FBP2: variants seen among roughly 807,000 people sequenced by gnomAD.
The protein encoded by FBP2 is fructose-bisphosphatase 2, also known as fructose-1,6-bisphosphatase isozyme 2.
FBP2 carries 27 observed loss-of-function variants against 31.6 expected under a neutral mutation model. The observed-to-expected ratio is 0.85, with a 90% CI of 0.63 to 1.18. The LOEUF is 1.18. FBP2 is among the 50% of genes most tolerant of loss of function. The pLI, the probability that FBP2 is intolerant of heterozygous loss-of-function variation, is 0.00. For missense variants in FBP2, 421 were observed against 436.1 expected, an observed-to-expected ratio of 0.97 and a Z score of 0.31; for synonymous variants, 168 against 179.8, an observed-to-expected ratio of 0.93 and a Z score of 0.53.
intron 1 of FBP2, among the ~76,000 whole-genome samples, chr9:94,587,841 G>GT (rs796779800): frequency 6.6e-6 from 1 of 151,260 alleles, no homozygotes; most frequent in African/African-American, 2.5e-5. Context: ...CCTGGAATTT[G>GT]TTTTTTCTTT....
In FBP2 at chr9:94,560,517, C is replaced by G. The variant is rs530532778; in HGVS notation, c.826-1385G>C. Among the ~76,000 whole-genome samples, 140 of 152,204 alleles carry G rather than the reference C, an allele frequency of 9.2e-4. 4 individuals are homozygous for G. The South Asian group carries it at 0.028, about 30-fold the overall frequency. ...GTATCATCTTCTTCTTTCTCCCCATCAGTGCAACCTGTGTAACTTCCCAAA... is the reference window on the plus strand; with the variant it reads ...GTATCATCTTCTTCTTTCTCCCCATGAGTGCAACCTGTGTAACTTCCCAAA... On this transcript the variant is annotated intron_variant, in intron 6 of 6. Transcript: ENST00000375337.
intron 6 of FBP2, 100 bp downstream of exon 6, chr9:94,563,242 A>G: frequency 3.7e-6 from 5 of 1,337,922 alleles, no homozygotes; most frequent in Non-Finnish European, 5.1e-6. Flanking sequence ...CCACACAGAC[A>G]TGCCATGAAG....
At chr9:94,579,050 C>CCA (rs1564185204) in intron 3 of FBP2, among the ~76,000 whole-genome samples, 1 of 30,606 alleles carries the variant, frequency 3.3e-5, no homozygotes, top group African/African-American at 2.0e-4. Context: ...GAGACTCTGT[C>CCA]AAAAAAAAAA....
chr9:94,561,194 T>G (rs902840784), intron 6 of FBP2, among the ~76,000 whole-genome samples: 1 of 152,054 alleles, frequency 6.6e-6, no homozygotes, highest in Non-Finnish European at 1.5e-5. Flanking sequence ...TCAACTACTT[T>G]AATCAAAAAA....
At chr9:94,561,945 G>C (rs558096617) in intron 6 of FBP2, among the ~76,000 whole-genome samples, 1 of 152,316 alleles carries the variant, frequency 6.6e-6, no homozygotes, top group East Asian at 1.9e-4. Flanking sequence ...ACGATCATTT[G>C]AATAATTAGT....
chr9:94,560,752 A>G, intron 6 of FBP2, among the ~76,000 whole-genome samples: 1 of 147,850 alleles, frequency 6.8e-6, no homozygotes, highest in East Asian at 1.9e-4. Context: ...AATATGTTAT[A>G]TATTTATATA....
At chr9:94,583,685 C>A (rs113984570) in intron 3 of FBP2, among the ~76,000 whole-genome samples, 8 of 152,164 alleles carry the variant, frequency 5.3e-5, no homozygotes, top group Non-Finnish European at 1.5e-5. Flanking sequence ...CTGCAACCTG[C>A]ACTTCCTGGG....
chr9:94,569,424 A>G (rs1032405932), intron 4 of FBP2: 1 of 152,206 alleles, frequency 6.6e-6, no homozygotes, highest in Non-Finnish European at 1.5e-5. Context: ...TCCAGCAAAG[A>G]GGATGGAGAT....
intron 1 of FBP2, among the ~76,000 whole-genome samples, chr9:94,590,259 C>T (rs1827478458): frequency 6.6e-6 from 1 of 152,200 alleles, no homozygotes; most frequent in Non-Finnish European, 1.5e-5. Context: ...CTAACAGTCT[C>T]TAAAGGAATG....
At chr9:94,590,742 T>G (rs899840092) in intron 1 of FBP2, among the ~76,000 whole-genome samples, 1 of 152,228 alleles carries the variant, frequency 6.6e-6, no homozygotes, top group Admixed American at 6.5e-5. Context: ...TTGCCGATGC[T>G]GGTTTAGGCA....
chr9:94,591,200 G>T (rs1298111838), intron 1 of FBP2, among the ~76,000 whole-genome samples: 5 of 152,370 alleles, frequency 3.3e-5, no homozygotes, highest in East Asian at 1.9e-4. Context: ...GGGGGGTGGC[G>T]CTCGTCGGGG....
At chr9:94,587,500 C>A (rs1304774760) in intron 1 of FBP2, 31 bp from the exon 2 acceptor site, 1 of 1,610,754 alleles carries the variant, frequency 6.2e-7, no homozygotes. Flanking sequence ...ATGAGGAAGT[C>A]ACTAGGGGGT....
intron 3 of FBP2, among the ~76,000 whole-genome samples, chr9:94,577,025 A>G (rs1165294414): frequency 6.6e-6 from 1 of 151,948 alleles, no homozygotes; most frequent in Non-Finnish European, 1.5e-5. Flanking sequence ...TCTTGGCCAA[A>G]AGCACCCACA....
rs151044093 is a variant in FBP2 at position 94,564,754 on chromosome 9, C to T, written c.706-1293G>A. ...GAGACAAACAATCTATACAGCAAAC[C>T]CCCATGACAGGAGTTTACTTATATA... On this transcript the variant is annotated intron_variant, in intron 5 of 6. Coordinates refer to ENST00000375337, the MANE Select transcript of FBP2 (RefSeq NM_003837.4). 3.0e-3 allele frequency among the ~76,000 whole-genome samples: 462 copies of T among 152,158 alleles called. 2 individuals carry two copies. The highest frequency in any genetic ancestry group is 6.9e-3 in the Admixed American group (106 of 15,288).
At chr9:94,559,497 A>G (rs1352968057) in intron 6 of FBP2, among the ~76,000 whole-genome samples, 1 of 151,030 alleles carries the variant, frequency 6.6e-6, no homozygotes, top group Non-Finnish European at 1.5e-5. Flanking sequence ...GGAAGCCTTT[A>G]TATGTGAGAC....
chr9:94,564,916 CA>C (rs1827163458), intron 5 of FBP2, among the ~76,000 whole-genome samples: 1 of 151,984 alleles, frequency 6.6e-6, no homozygotes, highest in Non-Finnish European at 1.5e-5. Context: ...GACATATTTT[CA>C]AAAAGCTAGA....
At chr9:94,590,129 A>G (rs930121818) in intron 1 of FBP2, among the ~76,000 whole-genome samples, 7 of 152,164 alleles carry the variant, frequency 4.6e-5, no homozygotes, top group African/African-American at 1.7e-4. Flanking sequence ...CCTAGAAAGA[A>G]TGGAAACTCA....
chr9:94,590,813 C>A (rs1344823156), intron 1 of FBP2, among the ~76,000 whole-genome samples: 1 of 152,178 alleles, frequency 6.6e-6, no homozygotes, highest in Non-Finnish European at 1.5e-5. Flanking sequence ...AGCCGAGTGG[C>A]CTGTTTTGTC....
intron 6 of FBP2, among the ~76,000 whole-genome samples, chr9:94,562,120 G>C (rs561543444): frequency 4.0e-5 from 6 of 151,824 alleles, no homozygotes; most frequent in Non-Finnish European, 5.9e-5. Context: ...GACCATCCTG[G>C]CTAACATGGT....
Sources: gnomAD v4.1 joint callset for allele counts (sites outside exome capture counted in the v4.1 genomes callset) on GRCh38, gnomAD v4.1.1 for gene constraint, MANE v1.5 for transcripts, NCBI Gene and HGNC (gene_info 2026-07-23, HGNC 2026-07-21) for gene names.